S100Z: variants seen among roughly 807,000 people sequenced by gnomAD.
S100Z encodes protein S100-Z.
Under a neutral mutation model 8.5 loss-of-function variants are expected in S100Z, and 11 were observed. The ratio of observed to expected loss-of-function variants is 1.30; its 90% CI spans 0.82 to 2.15. S100Z has a LOEUF of 2.15. Among genes scored for constraint, S100Z ranks in the 30% most tolerant of loss-of-function variants. S100Z has a pLI of 0.00. For missense variants in S100Z, 126 were observed against 117.9 expected (o/e 1.07, Z -0.32); for synonymous variants, 34 against 43.8 (o/e 0.78, Z 0.89).
chr5:76,950,417 C>G, the S100Z span, among the ~76,000 whole-genome samples: 1 of 152,158 alleles, frequency 6.6e-6, no homozygotes, highest in South Asian at 2.1e-4. Flanking sequence ...GCACCTGCCC[C>G]CATGTCCATG....
At chr5:76,851,968 G>A (rs1414288689) in intron 1 of S100Z, among the ~76,000 whole-genome samples, 1 of 152,024 alleles carries the variant, frequency 6.6e-6, no homozygotes, top group Non-Finnish European at 1.5e-5. Flanking sequence ...ATGTTTGTCT[G>A]TTGGGTTTTG....
At position 76,897,945 on chromosome 5, in the gene S100Z, T is replaced by A. The variant is rs146943391; in HGVS notation, c.*2+20111T>A. Among the ~76,000 whole-genome samples, 257 of 152,290 alleles carry A rather than the reference T, an allele frequency of 1.7e-3. 2 individuals carry two copies. Among genetic ancestry groups the A allele is most frequent in the Middle Eastern group, 6.8e-3 (2 of 294 alleles). On this transcript the variant is annotated intron_variant, in intron 4 of 4. Transcript: ENST00000317593. ...ATCAGCAAACAAGGATAATTTAACT[T>A]CTTTCTTTCCAATTTGAATGCCCTT...
chr5:76,850,353 A>AGG (rs34568332), intron 1 of S100Z, among the ~76,000 whole-genome samples, 198 bp downstream of exon 1: 12,864 of 132,060 alleles, frequency 0.097, 1,332 homozygotes, highest in African/African-American at 0.25. Context: ...AGAGAGAGAG[A>AGG]GAGAGGGAGA....
At chr5:76,888,336 T>C (rs1353136355) in intron 4 of S100Z, among the ~76,000 whole-genome samples, 4 of 140,752 alleles carry the variant, frequency 2.8e-5, no homozygotes, top group African/African-American at 1.1e-4. Context: ...GAAGTTTTCT[T>C]TTTTTTTTTT....
At chr5:76,894,252 C>T (rs1169222770) in intron 4 of S100Z, among the ~76,000 whole-genome samples, 1 of 152,202 alleles carries the variant, frequency 6.6e-6, no homozygotes, top group African/African-American at 2.4e-5. Flanking sequence ...AACCAATTGT[C>T]AACCAGAAAA....
chr5:76,890,948 C>T lies in S100Z; in HGVS notation c.*2+13114C>T, dbSNP rs868508707. On this transcript the variant is annotated intron_variant, in intron 4 of 4. Transcript: ENST00000317593. ...CACAGTCTCGGCTCACTGCAACCTT[C>T]GCCTCTGGGTTCAAGCAATTCTCCT... Among the ~76,000 whole-genome samples the T allele has an allele frequency of 4.1e-4, 63 of 152,280 alleles. 1 individual carries two copies. Among genetic ancestry groups the T allele is most frequent in the South Asian group, 1.7e-3 (8 of 4,830 alleles).
At chr5:76,892,082 C>A (rs1214963725) in intron 4 of S100Z, among the ~76,000 whole-genome samples, 1 of 152,058 alleles carries the variant, frequency 6.6e-6, no homozygotes, top group East Asian at 1.9e-4. Flanking sequence ...TTATTATGTA[C>A]CTTCAATGTG....
intron 4 of S100Z, among the ~76,000 whole-genome samples, chr5:76,908,879 CATT>C (rs1744548642): frequency 6.6e-6 from 1 of 152,152 alleles, no homozygotes; most frequent in Non-Finnish European, 1.5e-5. Flanking sequence ...GAGAATGCAT[CATT>C]AAGGGCCACT....
rs1009004496 is a variant in S100Z at position 76,870,236 on chromosome 5, T to C, written c.-105T>C. 15 of 152,186 alleles carry C rather than the reference T, an allele frequency of 9.9e-5. No homozygotes were observed. The highest frequency in any genetic ancestry group is 3.6e-4 in the African/African-American group (15 of 41,432). 9.4% of individuals were successfully genotyped at this position (152,186 alleles called of 1,614,324 possible). A position where few individuals can be genotyped will look rare whatever the true frequency, so the allele number is the denominator to read the frequency against. On this transcript the variant is annotated 5_prime_UTR_variant, in exon 2 of 5. Transcript: ENST00000317593. ...AGAAAAATGCTTTGAAGACAAAGGATACAGCATACAGTCCCGTGTCTCGGC... is the reference window on the plus strand; with the variant it reads ...AGAAAAATGCTTTGAAGACAAAGGACACAGCATACAGTCCCGTGTCTCGGC...
chr5:76,927,411 C>G, the S100Z span, among the ~76,000 whole-genome samples: 1 of 152,198 alleles, frequency 6.6e-6, no homozygotes, highest in African/African-American at 2.4e-5. Context: ...CCTCACATAG[C>G]TGGTCCTTCA....
At chr5:76,929,389 T>C in the S100Z span, among the ~76,000 whole-genome samples, 4 of 152,212 alleles carry the variant, frequency 2.6e-5, no homozygotes, top group Admixed American at 2.6e-4. Context: ...GAACAATTTG[T>C]CTCTCAGATA....
At chr5:76,875,546 A>T in intron 3 of S100Z, 46 bp downstream of exon 3, 1 of 1,540,850 alleles carries the variant, frequency 6.5e-7, no homozygotes, top group Non-Finnish European at 8.8e-7. Context: ...AGGGTAGATG[A>T]GGTGCAGATT....
chr5:76,887,395 C>CTTTTTTT (rs70982657), intron 4 of S100Z, among the ~76,000 whole-genome samples: 2 of 74,694 alleles, frequency 2.7e-5, no homozygotes, highest in East Asian at 4.3e-4. Flanking sequence ...CTGTGCCAGG[C>CTTTTTTT]TTTTTTTTTT....
At chr5:76,889,351 GA>G (rs986764169) in intron 4 of S100Z, among the ~76,000 whole-genome samples, 3 of 152,128 alleles carry the variant, frequency 2.0e-5, no homozygotes, top group Admixed American at 1.3e-4. Context: ...TCATTTAGAA[GA>G]AAAAATTTTT....
At chr5:76,884,263 T>C (rs62363089) in intron 4 of S100Z, among the ~76,000 whole-genome samples, 95,846 of 152,044 alleles carry the variant, frequency 0.63, 30,648 homozygotes, top group Admixed American at 0.67. Context: ...ATAACAGCTT[T>C]GTAAGCTGCC....
intron 1 of S100Z, among the ~76,000 whole-genome samples, chr5:76,864,451 G>T (rs1751194913): frequency 7.6e-6 from 1 of 131,248 alleles, no homozygotes; most frequent in Non-Finnish European, 1.5e-5. Context: ...ACCCAGGCTG[G>T]AGTGCAGTGG....
At chr5:76,863,781 A>T (rs2460496) in intron 1 of S100Z, among the ~76,000 whole-genome samples, 12 of 152,008 alleles carry the variant, frequency 7.9e-5, no homozygotes, top group African/African-American at 2.7e-4. Context: ...CTTGTGATCC[A>T]CCCACCTTGG....
At chr5:76,903,907 G>GT (rs1744325190) in intron 4 of S100Z, among the ~76,000 whole-genome samples, 4 of 151,312 alleles carry the variant, frequency 2.6e-5, no homozygotes. Context: ...TTGTGTGTGT[G>GT]TATTTTTAGT....
the S100Z span, among the ~76,000 whole-genome samples, chr5:76,929,978 AG>A: frequency 6.6e-6 from 1 of 152,252 alleles, no homozygotes; most frequent in South Asian, 2.1e-4. Flanking sequence ...CTTCATGTGA[AG>A]AGGAGAATGT....
Sources: allele counts gnomAD v4.1 joint callset (sites outside exome capture counted in the v4.1 genomes callset), GRCh38; gene constraint gnomAD v4.1.1; transcripts MANE v1.5; gene names NCBI Gene and HGNC (gene_info 2026-07-23, HGNC 2026-07-21).